GLS: variants seen among roughly 807,000 people sequenced by gnomAD.
The protein encoded by GLS is glutaminase kidney isoform, mitochondrial.
Under a neutral mutation model 86.7 loss-of-function variants are expected in GLS, and 36 were observed. The observed-to-expected ratio is 0.42, with a 90% CI of 0.32 to 0.55. GLS has a LOEUF of 0.55. GLS is among the 20% of genes least tolerant of loss of function. GLS has a pLI of 0.17. For synonymous variants in GLS, 317 were observed against 305.9 expected, an observed-to-expected ratio of 1.04 and a Z score of -0.38; for missense variants, 528 against 833.4, an observed-to-expected ratio of 0.63 and a Z score of 4.51.
intron 14 of GLS, among the ~76,000 whole-genome samples, chr2:190,939,224 T>G (rs1690358651): frequency 6.6e-6 from 1 of 151,736 alleles, no homozygotes; most frequent in Non-Finnish European, 1.5e-5. Context: ...CATGTTGTCT[T>G]CAGTATCAAT....
At position 190,953,604 on chromosome 2, in the gene GLS, G is replaced by A. The variant is rs779460643; in HGVS notation, c.1690G>A (p.Gly564Arg). Residue 564 changes from glycine (G) to arginine (R), a missense_variant, in exon 15 of 18, where the codon GGA becomes AGA. Gly to Arg is a moderately radical substitution (Grantham distance 125). Around this residue, in one of 4 missense-constraint regions of GLS, gnomAD observed 163 missense variants for 429.2 expected, o/e 0.38. Coordinates refer to ENST00000320717, the MANE Select transcript of GLS (RefSeq NM_014905.5). The surrounding 1 kb of genome is among the most constrained non-coding windows in gnomAD (Gnocchi z 4.0). ...VINLLFAAYT[G>R]DVSALRRFAL... ...AAATCTTTTGTTTGCTGCATATACT[G>A]GAGATGTGTCTGCACTTCGAAGGTA... The A allele has an allele frequency of 6.2e-7, 1 of 1,609,418 alleles. No homozygotes were observed. Among genetic ancestry groups the A allele is most frequent in the Non-Finnish European group, 8.5e-7 (1 of 1,175,834 alleles).
chr2:190,913,959 A>T lies in GLS; in HGVS notation c.1038+3638A>T, dbSNP rs1244891125. 2 of 152,592 alleles carry T rather than the reference A, an allele frequency of 1.3e-5. No individual in the cohort carries two copies. 9.5% of individuals were successfully genotyped at this position (152,592 alleles called of 1,614,324 possible). A position where few individuals can be genotyped will look rare whatever the true frequency, so the allele number is the denominator to read the frequency against. ...AGACCACAGGCACAGGCTACCATGC[A>T]GGGCTAATTCTTTATAAAGCTAGGG... On this transcript the variant is annotated intron_variant, in intron 7 of 17. Transcript: ENST00000320717. The surrounding 1 kb of genome is among the most constrained non-coding windows in gnomAD (Gnocchi z 6.1).
Position 190,910,260 on chromosome 2 carries a change from C to A in GLS, c.980-3C>A. The A allele has an allele frequency of 6.8e-7, 1 of 1,477,676 alleles. No individual in the cohort carries two copies. 91.5% of individuals were successfully genotyped at this position (1,477,676 alleles called of 1,614,324 possible). On this transcript the variant is annotated splice_region_variant and splice_polypyrimidine_tract_variant and intron_variant, in intron 6 of 17. Coordinates refer to ENST00000320717, the MANE Select transcript of GLS (RefSeq NM_014905.5). ...ATAATGGTATTGCTTTTATATTTTA[C>A]AGATAAACCACATAATCCTATGGTA...
At position 190,881,097 on chromosome 2, in the gene GLS, C is replaced by G. The variant is rs779459284; in HGVS notation, c.13C>G (p.Arg5Gly). The change falls in exon 1 of 18, where the codon CGA becomes GGA. Residue 5 changes from arginine (R) to glycine (G), a missense_variant. By Grantham distance (125) the Arg-to-Gly change is moderately radical (BLOSUM62 -2). This residue lies in a region of GLS where 224 missense variants were observed against 187.9 expected (regional missense o/e 1.19). Transcript: ENST00000320717. ...CGGACCCGGCGGCATGATGCGGCTG[C>G]GAGGCTCGGGGATGCTGCGGGACCT... MMRL[R>G]GSGMLRDLLL... 6.4e-7 allele frequency: 1 copy of G among 1,561,378 alleles called. No homozygotes were observed. The highest frequency in any genetic ancestry group is 1.2e-5 in the South Asian group (1 of 85,828).
chr2:190,931,702 C>A, intron 14 of GLS, 65 bp downstream of exon 14: 1 of 729,854 alleles, frequency 1.4e-6, no homozygotes. Context: ...TGAGATTTGC[C>A]TGTATAAATA....
intron 3 of GLS, among the ~76,000 whole-genome samples, chr2:190,898,253 C>T (rs577409394): frequency 1.3e-5 from 2 of 152,192 alleles, no homozygotes; most frequent in East Asian, 3.9e-4. Flanking sequence ...AATGTTTTGT[C>T]AATCATTGTG....
intron 1 of GLS, among the ~76,000 whole-genome samples, chr2:190,894,346 C>T (rs1688658284): frequency 1.1e-5 from 1 of 91,510 alleles, no homozygotes. Context: ...TTTGAATGTA[C>T]GTTTTTTTAT....
chr2:190,909,308 ATTTAT>A (rs1558975972), intron 6 of GLS, among the ~76,000 whole-genome samples: 1 of 152,190 alleles, frequency 6.6e-6, no homozygotes, highest in Non-Finnish European at 1.5e-5. Context: ...TACTTCATAT[ATTTAT>A]TTGTAATGAG....
intron 1 of GLS, among the ~76,000 whole-genome samples, chr2:190,887,351 G>A (rs1030041925): frequency 3.9e-5 from 6 of 151,960 alleles, no homozygotes; most frequent in Non-Finnish European, 7.4e-5. Flanking sequence ...CGTAGTAGAA[G>A]CAAAATGTTA....
intron 1 of GLS, among the ~76,000 whole-genome samples, chr2:190,885,777 G>T (rs1189879539): frequency 4.0e-5 from 6 of 151,662 alleles, no homozygotes; most frequent in Admixed American, 3.9e-4. Flanking sequence ...TTCTCAGGCA[G>T]CCCCTTAGTT....
In GLS at chr2:190,930,070, G is replaced by T. The variant is rs867089308; in HGVS notation, c.1426-367G>T. ...ATTTTTAAACCAATTTCCCAATTGT[G>T]TTTTTTTTTTTTTTGAAACTGGATC... On this transcript the variant is annotated intron_variant, in intron 12 of 17. Coordinates refer to ENST00000320717, the MANE Select transcript of GLS (RefSeq NM_014905.5). This position sits in a 1 kb window ranked among gnomAD's most constrained non-coding sequence, Gnocchi z 5.0. 0.01 allele frequency among the ~76,000 whole-genome samples: 1,417 copies of T among 135,482 alleles called. 20 individuals are homozygous for T. Among genetic ancestry groups the T allele is most frequent in the African/African-American group, 0.036 (1,333 of 37,254 alleles). The allele number at this position is 135,482 out of a possible 152,430, so 88.9% of individuals were successfully genotyped here. A position where few individuals can be genotyped will look rare whatever the true frequency, so the allele number is the denominator to read the frequency against.
chr2:190,961,859 G>C (rs764830484), intron 17 of GLS, among the ~76,000 whole-genome samples: 2 of 152,172 alleles, frequency 1.3e-5, no homozygotes, highest in African/African-American at 4.8e-5. Flanking sequence ...TCAGGACAGA[G>C]ATGGAAAGGA....
At chr2:190,957,879 G>T (rs554247707) in intron 17 of GLS, among the ~76,000 whole-genome samples, 4 of 152,170 alleles carry the variant, frequency 2.6e-5, no homozygotes, top group African/African-American at 9.6e-5. Context: ...TTTTTTTGTT[G>T]TGTCTCTGCC....
intron 7 of GLS, among the ~76,000 whole-genome samples, chr2:190,911,131 C>T (rs1476997918): frequency 6.6e-6 from 1 of 151,152 alleles, no homozygotes; most frequent in Non-Finnish European, 1.5e-5. Context: ...CATTTGTATA[C>T]TTCTTTGGTA....
intron 14 of GLS, among the ~76,000 whole-genome samples, chr2:190,931,994 A>G (rs1056799462): frequency 1.3e-5 from 2 of 152,034 alleles, no homozygotes; most frequent in African/African-American, 4.8e-5. Context: ...AATGTGCTGC[A>G]TGCTATAAAG....
chr2:190,887,314 A>C (rs1258699536), intron 1 of GLS, among the ~76,000 whole-genome samples: 1 of 152,144 alleles, frequency 6.6e-6, no homozygotes. Context: ...TCATCACTGC[A>C]CTTAGTGATT....
At chr2:190,934,600 A>C (rs1690212384) in intron 14 of GLS, 1 of 984,226 alleles carries the variant, frequency 1.0e-6, no homozygotes, top group Non-Finnish European at 1.2e-6. Context: ...GAAAAAAGGC[A>C]TTGTGGTTTC....
At position 190,935,753 on chromosome 2, in the gene GLS, T is replaced by C. The variant is rs1355976830; in HGVS notation, c.1650+4116T>C. Among the ~76,000 whole-genome samples the C allele has an allele frequency of 2.0e-5, 3 of 151,278 alleles. No homozygotes were observed. Among genetic ancestry groups the C allele is most frequent in the Admixed American group, 6.6e-5 (1 of 15,188 alleles). On this transcript the variant is annotated intron_variant, in intron 14 of 17. Coordinates refer to ENST00000320717, the MANE Select transcript of GLS (RefSeq NM_014905.5). The surrounding 1 kb of genome is among the most constrained non-coding windows in gnomAD (Gnocchi z 4.2). The stretch of plus-strand genomic sequence containing the variant: ...AATGAAGAGTATCATCATATTGCTT[T>C]AGAATAAAACTGTTAATCTCAGTAG...
intron 12 of GLS, among the ~76,000 whole-genome samples, chr2:190,929,862 TTTC>T (rs1690043457): frequency 6.6e-6 from 1 of 151,810 alleles, no homozygotes; most frequent in South Asian, 2.1e-4. Context: ...ATATTTTTTT[TTTC>T]GAGAGGGAGT....
Sources: allele counts gnomAD v4.1 joint callset (sites outside exome capture counted in the v4.1 genomes callset), GRCh38; gene constraint gnomAD v4.1.1; regional missense constraint gnomAD v4.1.1; non-coding constraint Gnocchi (gnomAD v3.1); transcripts MANE v1.5; gene names NCBI Gene and HGNC (gene_info 2026-07-23, HGNC 2026-07-21).